The following XPO6 variants were observed in gnomAD, a reference collection of about 807,000 sequenced individuals.
XPO6 encodes the protein exportin-6.
XPO6 carries 3 observed loss-of-function variants against 130.0 expected under a neutral mutation model. That is an observed-to-expected ratio of 0.02 (90% confidence interval 0.01 to 0.06). The LOEUF (loss-of-function observed/expected upper bound fraction) is 0.06, where lower values mean the gene tolerates loss of function less well. XPO6 is among the 10% of genes least tolerant of loss of function. XPO6 has a pLI of 1.00. For missense variants in XPO6, 970 were observed against 1,393.0 expected, an observed-to-expected ratio of 0.70 and a Z score of 4.83; for synonymous variants, 524 against 548.9, an observed-to-expected ratio of 0.95 and a Z score of 0.63.
intron 1 of XPO6, among the ~76,000 whole-genome samples, chr16:28,196,679 G>C (rs1359562457): frequency 1.3e-5 from 2 of 152,198 alleles, no homozygotes; most frequent in Non-Finnish European, 2.9e-5. Flanking sequence ...GTAGATATCT[G>C]ATAAAAAGAT....
chr16:28,162,229 G>C (rs1422637552), intron 6 of XPO6, among the ~76,000 whole-genome samples: 4 of 152,224 alleles, frequency 2.6e-5, no homozygotes, highest in Non-Finnish European at 5.9e-5. Context: ...TGGGGTGAGG[G>C]AAAGAACCTG....
chr16:28,182,776 TCTCA>T (rs1430523606), intron 1 of XPO6, among the ~76,000 whole-genome samples: 13 of 152,330 alleles, frequency 8.5e-5, no homozygotes, highest in African/African-American at 2.2e-4. Flanking sequence ...GCCTCACTGT[TCTCA>T]CTGACTTTAT....
intron 10 of XPO6, among the ~76,000 whole-genome samples, chr16:28,134,356 T>A (rs78120147): frequency 0.06 from 9,083 of 152,290 alleles, 390 homozygotes; most frequent in South Asian, 0.097. Context: ...AGATGCAAAT[T>A]CTATGGTCCT....
chr16:28,180,713 A>G (rs2043601892), intron 2 of XPO6, among the ~76,000 whole-genome samples: 1 of 152,062 alleles, frequency 6.6e-6, no homozygotes, highest in Non-Finnish European at 1.5e-5. Context: ...TTCTTATATG[A>G]AAGTTCAACA....
rs2086644938 is a variant in XPO6, at chr16:28,101,040, A to T, written c.3276+418T>A. 3.4e-6 allele frequency: 1 copy of T among 292,724 alleles called. No homozygotes were observed. Among genetic ancestry groups the T allele is most frequent in the African/African-American group, 2.2e-5 (1 of 45,306 alleles). 18.1% of individuals were successfully genotyped at this position (292,724 alleles called of 1,614,324 possible). ...CCGGGGAACCTGGGTCCCACCTCTAACCCTGGGGACCCAGAAGTGCAGCTC... is the reference window on the plus strand; with the variant it reads ...CCGGGGAACCTGGGTCCCACCTCTATCCCTGGGGACCCAGAAGTGCAGCTC... On this transcript the variant is annotated intron_variant, in intron 23 of 23. Transcript: ENST00000304658. This position sits in a 1 kb window ranked among gnomAD's most constrained non-coding sequence, Gnocchi z 5.4.
chr16:28,107,779 G>A (rs554672345), intron 17 of XPO6, 102 bp from the exon 18 acceptor site: 1 of 1,289,964 alleles, frequency 7.8e-7, no homozygotes, highest in East Asian at 2.3e-5. Flanking sequence ...GTACCAAGAA[G>A]ATGATCACAC....
In XPO6 at chr16:28,106,238, T is replaced by C; in HGVS notation, c.2613-24A>G. On this transcript the variant is annotated intron_variant, in intron 19 of 23. Coordinates refer to ENST00000304658, the MANE Select transcript of XPO6 (RefSeq NM_015171.4). This position sits in a 1 kb window ranked among gnomAD's most constrained non-coding sequence, Gnocchi z 4.2. The stretch of plus-strand genomic sequence containing the variant: ...CTCTACAGAGGAGAAAGCCACACAG[T>C]GAGCAACCACATGTTTCTCTGGGGG... 6.2e-7 allele frequency: 1 copy of C among 1,611,652 alleles called. No individual in the cohort carries two copies. Among genetic ancestry groups the C allele is most frequent in the Non-Finnish European group, 8.5e-7 (1 of 1,178,130 alleles).
In XPO6 at chr16:28,176,111, A is replaced by G; in HGVS notation, c.208-16T>C. The G allele has an allele frequency of 1.2e-6, 2 of 1,613,460 alleles. No homozygotes were observed. Among genetic ancestry groups the G allele is most frequent in the Non-Finnish European group, 8.5e-7 (1 of 1,179,544 alleles). ...TGATCAGATTCTGAAAAACAAATAT[A>G]CATCTTTTAAGTTAACAACCTATAC... On this transcript the variant is annotated splice_polypyrimidine_tract_variant and intron_variant, in intron 3 of 23. Coordinates refer to ENST00000304658, the MANE Select transcript of XPO6 (RefSeq NM_015171.4).
intron 1 of XPO6, among the ~76,000 whole-genome samples, chr16:28,186,371 A>ATCCTTTTTTTTTTTTTTTT (rs2043692526): frequency 9.9e-5 from 1 of 10,136 alleles, no homozygotes; most frequent in African/African-American, 4.1e-4. Context: ...TGCCCCAGTT[A>ATCCTTTTTTTTTTTTTTTT]TTCTTTTTTT....
At chr16:28,102,610 C>T (rs561726074) in intron 21 of XPO6, among the ~76,000 whole-genome samples, 1 of 152,154 alleles carries the variant, frequency 6.6e-6, no homozygotes, top group African/African-American at 2.4e-5. Context: ...TGGTGGCGGA[C>T]GCCTGTAATC....
intron 1 of XPO6, among the ~76,000 whole-genome samples, chr16:28,200,079 C>T (rs2043931588): frequency 1.3e-5 from 2 of 151,808 alleles, no homozygotes; most frequent in Admixed American, 6.6e-5. Flanking sequence ...TCGCTTGAAT[C>T]CAGAGGCAGA....
In XPO6 at chr16:28,166,598, G is replaced by A; in HGVS notation, c.566-13C>T. The A allele has an allele frequency of 6.4e-7, 1 of 1,571,326 alleles. No individual in the cohort carries two copies. On this transcript the variant is annotated splice_polypyrimidine_tract_variant and intron_variant, in intron 5 of 23. Transcript: ENST00000304658. ...GTCTCCAAGATACCTACCAAGAAAG[G>A]AGAAACAGAGTTATAAGAGAAATAA...
chr16:28,171,404 G>C (rs2043446050), intron 4 of XPO6, among the ~76,000 whole-genome samples: 1 of 138,580 alleles, frequency 7.2e-6, no homozygotes, highest in African/African-American at 2.8e-5. Context: ...AGTGAGCCAA[G>C]ATCACCCCAC....
chr16:28,193,989 T>C (rs2043822099), intron 1 of XPO6, among the ~76,000 whole-genome samples: 1 of 152,150 alleles, frequency 6.6e-6, no homozygotes, highest in South Asian at 2.1e-4. Context: ...GTGTGGGCTG[T>C]GGAATCAGGG....
intron 1 of XPO6, among the ~76,000 whole-genome samples, chr16:28,184,079 T>C (rs1414826724): frequency 1.3e-5 from 2 of 152,150 alleles, no homozygotes; most frequent in African/African-American, 4.8e-5. Context: ...AGGAATTAAC[T>C]GCAAGTGAGG....
chr16:28,106,048 C>A lies in XPO6; in HGVS notation c.2779G>T (p.Ala927Ser). 1 of 1,613,578 alleles carries A rather than the reference C, an allele frequency of 6.2e-7. No individual in the cohort carries two copies. Among genetic ancestry groups the A allele is most frequent in the East Asian group, 2.2e-5 (1 of 44,846 alleles). ...LCMEQVYPII[A>S]ERPSPDVKAE... is the part of the protein sequence containing the mutation. ...GGGACCGTCTGAGCCCCTACCTCGG[C>A]AATGATGGGATACACTTGCTCCATG... is the stretch of plus-strand genomic sequence containing the variant. The change falls in exon 20 of 24, where the codon GCC (alanine) becomes TCC (serine). Residue 927 changes from alanine (A) to serine (S), a missense_variant. Ala to Ser is a moderately conservative substitution (Grantham distance 99, BLOSUM62 1). This residue lies in a region of XPO6 where 936 missense variants were observed against 1,306.8 expected (regional missense o/e 0.72). Transcript: ENST00000304658. This position sits in a 1 kb window ranked among gnomAD's most constrained non-coding sequence, Gnocchi z 4.2.
chr16:28,153,740 T>G (rs1433050052), intron 7 of XPO6: 1 of 985,440 alleles, frequency 1.0e-6, no homozygotes, highest in African/African-American at 1.7e-5. Flanking sequence ...AAAGACATAC[T>G]AGGCCTTAGC....
chr16:28,135,345 CA>C, intron 9 of XPO6, 21 bp from the exon 10 acceptor site: 1 of 1,605,822 alleles, frequency 6.2e-7, no homozygotes, highest in Non-Finnish European at 8.5e-7. Context: ...GGGAGAAATT[CA>C]ACATTGAAAG....
intron 1 of XPO6, among the ~76,000 whole-genome samples, chr16:28,190,944 G>T (rs1048315286): frequency 6.6e-6 from 1 of 152,132 alleles, no homozygotes; most frequent in African/African-American, 2.4e-5. Context: ...GGTGAGTTTG[G>T]GTAAAGGGTA....
Sources: gnomAD v4.1 joint callset for allele counts (sites outside exome capture counted in the v4.1 genomes callset) on GRCh38, gnomAD v4.1.1 for gene constraint, gnomAD v4.1.1 regional missense constraint, Gnocchi (gnomAD v3.1) non-coding constraint, MANE v1.5 for transcripts, NCBI Gene and HGNC (gene_info 2026-07-23, HGNC 2026-07-21) for gene names.